Variants in WDFY2 observed in about 807,000 individuals in gnomAD.
WDFY2 encodes the protein WD repeat and FYVE domain containing 2.
In WDFY2, 36 loss-of-function variants were observed where a neutral mutation model predicts 56.4. The observed-to-expected ratio is 0.64, with a 90% CI of 0.49 to 0.84. The LOEUF (loss-of-function observed/expected upper bound fraction) is 0.84. WDFY2 is among the 40% of genes least tolerant of loss of function. The pLI is 0.00. For synonymous variants in WDFY2, 176 were observed against 183.7 expected (o/e 0.96, Z 0.34); for missense variants, 444 against 512.2 (o/e 0.87, Z 1.29).
At position 51,763,135 on chromosome 13, in the gene WDFY2, G is replaced by A. The variant is rs941208615; in HGVS notation, c.*3366G>A. ...ATACAGGGCAGTTAGATATGGCTGA[G>A]ATGTAAACAAGAGAATCTAAAAGAA... On this transcript the variant is annotated 3_prime_UTR_variant, in exon 12 of 12. Transcript: ENST00000298125. 6.6e-6 allele frequency: 1 copy of A among 152,186 alleles called. No individual in the cohort carries two copies. Among genetic ancestry groups the A allele is most frequent in the Non-Finnish European group, 1.5e-5 (1 of 68,036 alleles). 9.4% of individuals were successfully genotyped at this position (152,186 alleles called of 1,614,324 possible).
At chr13:51,701,651 A>G (rs929718760) in intron 3 of WDFY2, among the ~76,000 whole-genome samples, 4 of 152,166 alleles carry the variant, frequency 2.6e-5, no homozygotes, top group African/African-American at 9.6e-5. Context: ...TGAACTGGTA[A>G]TTTTATTTTT....
At chr13:51,743,673 G>C (rs1277236657) in intron 7 of WDFY2, among the ~76,000 whole-genome samples, 1 of 152,152 alleles carries the variant, frequency 6.6e-6, no homozygotes, top group Non-Finnish European at 1.5e-5. Context: ...CTTTGTGTTA[G>C]GTACTCAGGA....
rs563043147 is a variant in WDFY2, at chr13:51,624,533, T to G, written c.138-36063T>G. On this transcript the variant is annotated intron_variant, in intron 1 of 11. Transcript: ENST00000298125. ...TATTCTAGGCATGGGCTAATATTAG[T>G]AAACAAACAAAGATCCCTGCCACCA... 1.9e-4 allele frequency among the ~76,000 whole-genome samples: 29 copies of G among 152,298 alleles called. No individual in the cohort carries two copies. The East Asian group carries it at 4.0e-3, about 21-fold the overall frequency.
At chr13:51,655,918 A>T (rs564460209) in intron 1 of WDFY2, among the ~76,000 whole-genome samples, 4 of 152,136 alleles carry the variant, frequency 2.6e-5, no homozygotes, top group Admixed American at 1.3e-4. Context: ...TGTTTATTTA[A>T]TCTAGATTAT....
intron 3 of WDFY2, 124 bp from the exon 4 acceptor site, chr13:51,703,471 TG>T: frequency 1.5e-6 from 1 of 679,616 alleles, no homozygotes. Flanking sequence ...TCTGAGTTGA[TG>T]GGCAAAATAC....
chr13:51,726,255 TC>T (rs1471647717), intron 5 of WDFY2, among the ~76,000 whole-genome samples: 1 of 152,192 alleles, frequency 6.6e-6, no homozygotes, highest in Non-Finnish European at 1.5e-5. Context: ...TGATAATATA[TC>T]CTGGTGTCTG....
chr13:51,665,328 T>C (rs555363307), intron 2 of WDFY2, among the ~76,000 whole-genome samples: 1 of 152,350 alleles, frequency 6.6e-6, no homozygotes, highest in African/African-American at 2.4e-5. Flanking sequence ...CACACCTATC[T>C]GGGACCTTGC....
chr13:51,710,441 A>G (rs905348987), intron 4 of WDFY2, among the ~76,000 whole-genome samples: 2 of 152,250 alleles, frequency 1.3e-5, no homozygotes, highest in South Asian at 2.1e-4. Flanking sequence ...TGGCCAGGGC[A>G]ATGAGGCAGG....
At chr13:51,741,921 T>C (rs1344266755) in intron 7 of WDFY2, among the ~76,000 whole-genome samples, 1 of 152,202 alleles carries the variant, frequency 6.6e-6, no homozygotes, top group African/African-American at 2.4e-5. Flanking sequence ...GACTAACACA[T>C]GGTCCCCGAC....
chr13:51,622,812 ACTGG>A (rs1272048623), intron 1 of WDFY2, among the ~76,000 whole-genome samples: 2 of 151,564 alleles, frequency 1.3e-5, no homozygotes, highest in Non-Finnish European at 2.9e-5. Flanking sequence ...TATAGTTTGA[ACTGG>A]AATACCTTTA....
intron 1 of WDFY2, among the ~76,000 whole-genome samples, chr13:51,609,809 A>C (rs921840631): frequency 6.6e-6 from 1 of 152,064 alleles, no homozygotes; most frequent in Non-Finnish European, 1.5e-5. Flanking sequence ...ATGGTGCATT[A>C]AGCAACCCCA....
chr13:51,628,955 T>C (rs975878111), intron 1 of WDFY2, among the ~76,000 whole-genome samples: 4 of 152,228 alleles, frequency 2.6e-5, no homozygotes, highest in African/African-American at 9.6e-5. Context: ...ATTTTGATGG[T>C]TTTAAACTAT....
rs1280232381 is a variant in WDFY2 at position 51,756,401 on chromosome 13, A to G, written c.1003A>G (p.Met335Val). The G allele has an allele frequency of 6.2e-7, 1 of 1,614,074 alleles. No individual in the cohort carries two copies. Among genetic ancestry groups the G allele is most frequent in the Admixed American group, 1.7e-5 (1 of 60,002 alleles). The change falls in exon 10 of 12, where the codon ATG becomes GTG. Residue 335 changes from methionine (M) to valine (V), a missense_variant. Met to Val is a conservative substitution (Grantham distance 21). Coordinates refer to ENST00000298125, the MANE Select transcript of WDFY2 (RefSeq NM_052950.4). The stretch of plus-strand genomic sequence containing the variant: ...CTCCAAGCGCTCCTCCATCCCCCTG[A>G]TGGGCTTCGAGTTTGAAGTGAGGGT... Reference protein sequence around the residue: ...CSSKRSSIPLMGFEFEVRVCD... With the variant: ...CSSKRSSIPLVGFEFEVRVCD...
intron 1 of WDFY2, among the ~76,000 whole-genome samples, chr13:51,654,325 G>C (rs1413569375): frequency 6.6e-6 from 1 of 152,130 alleles, no homozygotes; most frequent in African/African-American, 2.4e-5. Context: ...GGCTAGTAAA[G>C]GGATTCCCTG....
chr13:51,614,427 T>A (rs186297064), intron 1 of WDFY2, among the ~76,000 whole-genome samples: 2 of 152,234 alleles, frequency 1.3e-5, no homozygotes, highest in African/African-American at 4.8e-5. Flanking sequence ...TTTCCTTTTA[T>A]ACCAAGAAGT....
intron 1 of WDFY2, among the ~76,000 whole-genome samples, chr13:51,617,770 T>C (rs542440116): frequency 8.5e-5 from 13 of 152,360 alleles, no homozygotes; most frequent in African/African-American, 3.1e-4. Context: ...TTTCAAGTCA[T>C]ATGTCCACAG....
At chr13:51,711,880 G>A (rs1952226028) in intron 4 of WDFY2, among the ~76,000 whole-genome samples, 2 of 152,190 alleles carry the variant, frequency 1.3e-5, no homozygotes. Flanking sequence ...AAGACAGTGT[G>A]GCGATTCCTC....
intron 7 of WDFY2, 103 bp from the exon 8 acceptor site, chr13:51,751,207 G>T: frequency 4.0e-6 from 4 of 990,528 alleles, no homozygotes; most frequent in Non-Finnish European, 3.0e-6. Context: ...TACACTGGGG[G>T]CTCGGAGTGA....
chr13:51,617,557 T>G (rs1954641490), intron 1 of WDFY2, among the ~76,000 whole-genome samples: 1 of 152,182 alleles, frequency 6.6e-6, no homozygotes, highest in Non-Finnish European at 1.5e-5. Context: ...TCCTCTGTTT[T>G]TTCATCCTTA....
Sources: gnomAD v4.1 joint callset for allele counts (sites outside exome capture counted in the v4.1 genomes callset) on GRCh38, gnomAD v4.1.1 for gene constraint, MANE v1.5 for transcripts, NCBI Gene and HGNC (gene_info 2026-07-23, HGNC 2026-07-21) for gene names.